Variants in ROBO1 observed in about 807,000 individuals in gnomAD.
ROBO1 encodes roundabout homolog 1.
ROBO1 carries 149 observed loss-of-function variants against 195.9 expected under a neutral mutation model. The ratio of observed to expected loss-of-function variants is 0.76; its 90% CI spans 0.67 to 0.87. The LOEUF (loss-of-function observed/expected upper bound fraction) is 0.87. Among genes scored for constraint, ROBO1 ranks in the 40% least tolerant of loss-of-function variants. The pLI is 0.00. For synonymous variants in ROBO1, 816 were observed against 733.2 expected, an observed-to-expected ratio of 1.11 and a Z score of -1.82; for missense variants, 1,933 against 2,068.3, an observed-to-expected ratio of 0.93 and a Z score of 1.27.
At chr3:78,821,026 A>T (rs902063366) in intron 4 of ROBO1, among the ~76,000 whole-genome samples, 1 of 152,146 alleles carries the variant, frequency 6.6e-6, no homozygotes, top group African/African-American at 2.4e-5. Context: ...CAGTTAGTTC[A>T]TTTCTCCTTT....
At chr3:79,393,728 T>G (rs2037038370) in intron 2 of ROBO1, among the ~76,000 whole-genome samples, 1 of 152,156 alleles carries the variant, frequency 6.6e-6, no homozygotes, top group Non-Finnish European at 1.5e-5. Flanking sequence ...CACTGCAGCC[T>G]TATTATAAAG....
chr3:79,569,235 G>T (rs915046682), intron 2 of ROBO1, among the ~76,000 whole-genome samples: 1 of 152,082 alleles, frequency 6.6e-6, no homozygotes, highest in Non-Finnish European at 1.5e-5. Context: ...TTAAACTAAC[G>T]CTGTCAAAGG....
At chr3:79,559,313 C>T (rs569045999) in intron 2 of ROBO1, among the ~76,000 whole-genome samples, 1 of 152,186 alleles carries the variant, frequency 6.6e-6, no homozygotes, top group South Asian at 2.1e-4. Flanking sequence ...AACTCTGTTA[C>T]ATCTAATCTG....
intron 4 of ROBO1, among the ~76,000 whole-genome samples, chr3:78,774,710 A>T (rs920822252): frequency 2.6e-5 from 4 of 152,214 alleles, no homozygotes; most frequent in African/African-American, 9.6e-5. Context: ...AACAATAGGA[A>T]TAAGCTGTTC....
At chr3:79,563,550 G>C (rs1055824976) in intron 2 of ROBO1, among the ~76,000 whole-genome samples, 1 of 152,008 alleles carries the variant, frequency 6.6e-6, no homozygotes, top group African/African-American at 2.4e-5. Flanking sequence ...ATGAATAGGG[G>C]AGAAAAACAG....
chr3:78,991,048 T>A (rs1326377468), intron 3 of ROBO1, among the ~76,000 whole-genome samples: 1 of 152,206 alleles, frequency 6.6e-6, no homozygotes, highest in Non-Finnish European at 1.5e-5. Context: ...ATGTTAATTA[T>A]TACAGGTAAT....
intron 1 of ROBO1, among the ~76,000 whole-genome samples, chr3:79,617,612 CA>C (rs1944866002): frequency 6.6e-6 from 1 of 151,918 alleles, no homozygotes; most frequent in South Asian, 2.1e-4. Flanking sequence ...ACAGCTCCTC[CA>C]GATGAGAAGG....
intron 2 of ROBO1, among the ~76,000 whole-genome samples, chr3:79,280,784 TAA>T (rs1215947306): frequency 2.6e-5 from 4 of 152,146 alleles, no homozygotes; most frequent in Admixed American, 1.3e-4. Context: ...TCGATTCTCA[TAA>T]GGAGCCTGCA....
chr3:79,374,632 G>T (rs2036319103), intron 2 of ROBO1, among the ~76,000 whole-genome samples: 1 of 152,082 alleles, frequency 6.6e-6, no homozygotes, highest in African/African-American at 2.4e-5. Flanking sequence ...AAAAGGATTA[G>T]TTGCCATATA....
chr3:79,284,721 C>G, intron 2 of ROBO1, among the ~76,000 whole-genome samples: 1 of 152,080 alleles, frequency 6.6e-6, no homozygotes, highest in East Asian at 1.9e-4. Flanking sequence ...TTAGCAAAGT[C>G]TAACATATCA....
chr3:79,137,609 T>G lies in ROBO1; in HGVS notation c.89-12070A>C, dbSNP rs1208013274. Among the ~76,000 whole-genome samples the G allele has an allele frequency of 4.6e-5, 7 of 152,194 alleles. No individual in the cohort carries two copies. In the East Asian group the frequency reaches 1.4e-3, roughly 29 times the overall value. ...TGTGTTCTTATGTAATGCTTACAGT[T>G]CTATCATGATCCTAGCCATCATCAT... On this transcript the variant is annotated intron_variant, in intron 2 of 30. Transcript: ENST00000464233.
At chr3:78,670,000 T>G (rs1378989306) in intron 11 of ROBO1, 96 bp downstream of exon 11, 2 of 866,492 alleles carry the variant, frequency 2.3e-6, no homozygotes, top group Non-Finnish European at 1.8e-6. Flanking sequence ...CATTTAACAC[T>G]TCATTAATTG....
chr3:79,665,604 T>C (rs915228848), intron 1 of ROBO1, among the ~76,000 whole-genome samples: 1 of 151,800 alleles, frequency 6.6e-6, no homozygotes, highest in Admixed American at 6.6e-5. Context: ...GTCTGTAAAA[T>C]ATGATGCAGT....
intron 1 of ROBO1, among the ~76,000 whole-genome samples, chr3:79,604,516 G>A (rs1015223608): frequency 6.6e-6 from 1 of 152,050 alleles, no homozygotes; most frequent in Non-Finnish European, 1.5e-5. Flanking sequence ...GAGTTTTGAG[G>A]TGGAAAGAAC....
intron 2 of ROBO1, among the ~76,000 whole-genome samples, chr3:79,298,795 A>T (rs966110927): frequency 3.3e-5 from 5 of 152,138 alleles, no homozygotes; most frequent in Admixed American, 6.5e-5. Flanking sequence ...TTTGGATTTT[A>T]TTTATATTAC....
At chr3:78,641,478 G>A (rs1038223408) in intron 21 of ROBO1, among the ~76,000 whole-genome samples, 14 of 152,168 alleles carry the variant, frequency 9.2e-5, no homozygotes, top group African/African-American at 3.4e-4. Flanking sequence ...GTGATTTGAA[G>A]AGTAACGTTT....
intron 2 of ROBO1, among the ~76,000 whole-genome samples, chr3:79,283,992 C>T (rs1191241684): frequency 1.3e-5 from 2 of 151,976 alleles, no homozygotes; most frequent in Non-Finnish European, 2.9e-5. Flanking sequence ...CCACCGCGCC[C>T]GGCCTATCCA....
intron 8 of ROBO1, among the ~76,000 whole-genome samples, chr3:78,712,108 GAAAAT>G (rs1559775384): frequency 6.9e-6 from 1 of 145,500 alleles, no homozygotes; most frequent in African/African-American, 2.5e-5. Context: ...TGCTGGGGGT[GAAAAT>G]CAAATGGCCA....
chr3:79,018,758 G>A (rs2078022085), intron 3 of ROBO1: 1 of 1,147,218 alleles, frequency 8.7e-7, no homozygotes, highest in Non-Finnish European at 1.1e-6. Flanking sequence ...CGAGGCAGAA[G>A]CGCAGTAGTG....
Sources: gnomAD v4.1 joint callset for allele counts (sites outside exome capture counted in the v4.1 genomes callset) on GRCh38, gnomAD v4.1.1 for gene constraint, MANE v1.5 for transcripts, NCBI Gene and HGNC (gene_info 2026-07-23, HGNC 2026-07-21) for gene names.